Variants in SYCE1 observed in about 807,000 individuals in gnomAD.
SYCE1 encodes the protein cancer/testis antigen 76.
In SYCE1, 37 loss-of-function variants were observed where a neutral mutation model predicts 55.1. That is an observed-to-expected ratio of 0.67 (90% CI 0.52 to 0.88). The LOEUF is 0.88. Among genes scored for constraint, SYCE1 ranks in the 40% least tolerant of loss-of-function variants. SYCE1 has a pLI of 0.00. For synonymous variants in SYCE1, 163 were observed against 159.4 expected, an observed-to-expected ratio of 1.02 and a Z score of -0.17; for missense variants, 399 against 416.4, an observed-to-expected ratio of 0.96 and a Z score of 0.36.
At chr10:133,557,634 G>C in intron 6 of SYCE1, 1 of 590,780 alleles carries the variant, frequency 1.7e-6, no homozygotes, top group South Asian at 2.1e-5. Flanking sequence ...ATAAAAACCA[G>C]CTGAAGAAAT....
downstream of SYCE1, chr10:133,554,012 G>T: frequency 3.3e-6 from 1 of 305,336 alleles, no homozygotes; most frequent in African/African-American, 2.1e-5. Context: ...TTAAAAAATT[G>T]TGGTGAACCA....
At position 133,558,975 on chromosome 10, in the gene SYCE1, T is replaced by C. The variant is rs1223321194; in HGVS notation, c.197-24A>G. On this transcript the variant is annotated intron_variant, in intron 3 of 12. Transcript: ENST00000343131. ...TGCTTCACCAAAGAGCAGAAAAACATTGTGTGAGTGCAGCCTCTATTCTCT... is the reference window on the plus strand; with the variant it reads ...TGCTTCACCAAAGAGCAGAAAAACACTGTGTGAGTGCAGCCTCTATTCTCT... 10 of 1,602,972 alleles carry C rather than the reference T, an allele frequency of 6.2e-6. No individual in the cohort carries two copies. The African/African-American group carries it at 6.7e-5, about 11-fold the overall frequency.
In SYCE1 at chr10:133,556,802, A is replaced by G; in HGVS notation, c.485T>C (p.Leu162Pro). 6.3e-7 allele frequency: 1 copy of G among 1,579,898 alleles called. No homozygotes were observed. The highest frequency in any genetic ancestry group is 1.2e-5 in the South Asian group (1 of 86,860). ...RQLRLAFEEQ[L>P]EDLMGQHKDL... is the part of the protein sequence containing the mutation. ...CTTGTGCTGGCCCATCAGATCTTCC[A>G]GCTGTTCCTCGAATGCCAACCTGGG... is the stretch of plus-strand genomic sequence containing the variant. The change falls in exon 8 of 13, where the codon CTG becomes CCG. Residue 162 changes from leucine (L) to proline (P), a missense_variant. By Grantham distance (98) the Leu-to-Pro change is moderately conservative. Transcript: ENST00000343131.
chr10:133,559,669 T>G (rs1589968598), intron 2 of SYCE1: 1 of 427,798 alleles, frequency 2.3e-6, no homozygotes, highest in Admixed American at 3.5e-5. Flanking sequence ...AATCAAGTGG[T>G]GGGGGGCAGG....
intron 1 of SYCE1, among the ~76,000 whole-genome samples, chr10:133,562,540 G>A (rs1340518156): frequency 3.3e-5 from 5 of 152,054 alleles, no homozygotes; most frequent in African/African-American, 1.2e-4. Context: ...TCCCTTTTGT[G>A]GAGAAAATTG....
At chr10:133,560,646 T>TA (rs1851796869) in intron 1 of SYCE1, 1 of 152,248 alleles carries the variant, frequency 6.6e-6, no homozygotes, top group Admixed American at 6.5e-5. Flanking sequence ...AATTTCCCCA[T>TA]AAAATATTTC....
intron 1 of SYCE1, chr10:133,560,413 A>G (rs963009515): frequency 1.4e-5 from 4 of 295,858 alleles, no homozygotes; most frequent in Non-Finnish European, 2.5e-5. Context: ...GTTCAAAGTA[A>G]GATCAAAGCT....
chr10:133,555,264 C>G, intron 12 of SYCE1, 87 bp downstream of exon 12: 2 of 1,593,040 alleles, frequency 1.3e-6, no homozygotes, highest in Non-Finnish European at 1.7e-6. Flanking sequence ...CTGAGGAGTC[C>G]CAGGACCCCC....
chr10:133,565,291 G>A (rs897144478), intron 1 of SYCE1, among the ~76,000 whole-genome samples, 166 bp downstream of exon 1: 2 of 152,192 alleles, frequency 1.3e-5, no homozygotes, highest in Non-Finnish European at 2.9e-5. Context: ...GGGTGTGCGG[G>A]CAAGCACTCC....
At chr10:133,559,747 G>A (rs1851777953) in intron 2 of SYCE1, 1 of 406,698 alleles carries the variant, frequency 2.5e-6, no homozygotes. Flanking sequence ...TGGGAACATG[G>A]CTGGCAGGAG....
upstream of SYCE1, among the ~76,000 whole-genome samples, chr10:133,567,436 TCA>T (rs1851972453): frequency 6.7e-6 from 1 of 148,150 alleles, no homozygotes; most frequent in Non-Finnish European, 1.5e-5. Context: ...AGCGTTAGGG[TCA>T]GGGGTTAGGG....
chr10:133,564,337 A>C, intron 1 of SYCE1: 1 of 968,278 alleles, frequency 1.0e-6, no homozygotes, highest in Non-Finnish European at 1.2e-6. Flanking sequence ...AAACTGTGAG[A>C]AATAAGGCAT....
In SYCE1 at chr10:133,555,851, C is replaced by A; in HGVS notation, c.648G>T (p.Leu216=). The change falls in exon 10 of 13, where the codon CTG becomes CTT. Residue 216 remains leucine (L), a synonymous_variant. Coordinates refer to ENST00000343131, the MANE Select transcript of SYCE1 (RefSeq NM_001143764.3). ...LEDVKHQLCS[L]CGAEGPSTLD... Reference sequence around the variant, plus strand: ...GGGTGGAGGGGCCCTCAGCCCCACACAGGGAGCACAGCTGATGCTTCACGT... The same window carrying A: ...GGGTGGAGGGGCCCTCAGCCCCACAAAGGGAGCACAGCTGATGCTTCACGT... 1 of 1,614,078 alleles carries A rather than the reference C, an allele frequency of 6.2e-7. No homozygotes were observed. Among genetic ancestry groups the A allele is most frequent in the Non-Finnish European group, 8.5e-7 (1 of 1,180,016 alleles).
At chr10:133,558,383 A>G in intron 4 of SYCE1, 169 bp from the exon 5 acceptor site, 1 of 707,878 alleles carries the variant, frequency 1.4e-6, no homozygotes, top group Non-Finnish European at 2.5e-6. Flanking sequence ...CCTTGTAAGC[A>G]CCAAAGGGCC....
intron 8 of SYCE1, chr10:133,556,552 C>A: frequency 3.2e-6 from 2 of 619,542 alleles, no homozygotes; most frequent in South Asian, 3.8e-5. Flanking sequence ...GAAGACTTGA[C>A]CTTGGTCTCA....
At chr10:133,562,261 ATGTGTG>A (rs59050384) in intron 1 of SYCE1, among the ~76,000 whole-genome samples, 4,176 of 142,784 alleles carry the variant, frequency 0.029, 99 homozygotes, top group African/African-American at 0.076. Context: ...CTAACATCCA[ATGTGTG>A]TGTGTGTGTG....
At chr10:133,566,155 G>T (rs1226845799), upstream of SYCE1, among the ~76,000 whole-genome samples, 1 of 152,220 alleles carries the variant, frequency 6.6e-6, no homozygotes, top group Non-Finnish European at 1.5e-5. Context: ...TCCCTGCCGC[G>T]CTGGGGCCAC....
chr10:133,555,289 G>A (rs1176347736), intron 12 of SYCE1, 62 bp downstream of exon 12: 175 of 1,602,404 alleles, frequency 1.1e-4, no homozygotes, highest in Middle Eastern at 1.9e-4. Context: ...TTGTCCTCCC[G>A]CCCCTTCCGC....
chr10:133,554,959 G>C lies in SYCE1; in HGVS notation c.*33C>G. 1 of 1,506,034 alleles carries C rather than the reference G, an allele frequency of 6.6e-7. No homozygotes were observed. Among genetic ancestry groups the C allele is most frequent in the Non-Finnish European group, 8.9e-7 (1 of 1,127,126 alleles). 93.3% of individuals were successfully genotyped at this position (1,506,034 alleles called of 1,614,324 possible). Reference sequence around the variant, plus strand: ...ACAGGAGACTGGGGATCTTGGGCCTGACCCCTACTCCTCACCAGTAGACTT... The same window carrying C: ...ACAGGAGACTGGGGATCTTGGGCCTCACCCCTACTCCTCACCAGTAGACTT... On this transcript the variant is annotated 3_prime_UTR_variant, in exon 13 of 13. Coordinates refer to ENST00000343131, the MANE Select transcript of SYCE1 (RefSeq NM_001143764.3).
Sources: gnomAD v4.1 joint callset for allele counts (sites outside exome capture counted in the v4.1 genomes callset) on GRCh38, gnomAD v4.1.1 for gene constraint, MANE v1.5 for transcripts, NCBI Gene and HGNC (gene_info 2026-07-23, HGNC 2026-07-21) for gene names.